NKAIN3: variants seen among roughly 807,000 people sequenced by gnomAD.
NKAIN3 encodes the protein sodium/potassium-transporting ATPase subunit beta-1-interacting protein 3.
In NKAIN3, 25 loss-of-function variants were observed where a neutral mutation model predicts 30.2. The observed-to-expected ratio is 0.83, with a 90% CI of 0.60 to 1.16. The LOEUF is 1.16. Ranked by LOEUF, NKAIN3 falls within the 50% of genes most tolerant of loss-of-function variation. The pLI is 0.00. For missense variants in NKAIN3, 225 were observed against 254.1 expected, an observed-to-expected ratio of 0.89 and a Z score of 0.78; for synonymous variants, 91 against 89.6, an observed-to-expected ratio of 1.02 and a Z score of -0.09.
chr8:62,298,770 G>A (rs1046482172), intron 1 of NKAIN3, among the ~76,000 whole-genome samples: 1 of 151,090 alleles, frequency 6.6e-6, no homozygotes, highest in African/African-American at 2.4e-5. Flanking sequence ...TTGTTTTTGT[G>A]GCATTTATCA....
chr8:62,959,104 T>C (rs1236178569), intron 6 of NKAIN3, among the ~76,000 whole-genome samples: 1 of 152,190 alleles, frequency 6.6e-6, no homozygotes, highest in East Asian at 1.9e-4. Flanking sequence ...TTCACAAAAA[T>C]TGCTACATGC....
At chr8:62,863,305 G>C in intron 4 of NKAIN3, 2 of 1,549,324 alleles carry the variant, frequency 1.3e-6, no homozygotes, top group South Asian at 2.3e-5. Flanking sequence ...ACTCACTGCA[G>C]ACCCTGAAGG....
intron 4 of NKAIN3, among the ~76,000 whole-genome samples, chr8:62,881,162 T>C (rs1820967682): frequency 6.6e-6 from 1 of 152,204 alleles, no homozygotes; most frequent in Admixed American, 6.5e-5. Flanking sequence ...GCATTTACAT[T>C]AGGGTTCACT....
intron 4 of NKAIN3, among the ~76,000 whole-genome samples, chr8:62,873,983 T>C (rs1033012221): frequency 2.7e-5 from 4 of 149,688 alleles, no homozygotes; most frequent in Non-Finnish European, 5.9e-5. Context: ...ATAACTAAGA[T>C]CAGAGAAGAA....
chr8:62,608,395 G>A (rs1321056637), intron 3 of NKAIN3, among the ~76,000 whole-genome samples: 1 of 152,158 alleles, frequency 6.6e-6, no homozygotes, highest in Admixed American at 6.6e-5. Context: ...TTGCCCAAAT[G>A]TTTGTGGGGC....
intron 1 of NKAIN3, among the ~76,000 whole-genome samples, chr8:62,326,072 C>T (rs6989663): frequency 0.97 from 148,171 of 152,012 alleles, 72,240 homozygotes; most frequent in East Asian, 1. Context: ...ATTAATTTTG[C>T]TATATTTATT....
intron 1 of NKAIN3, among the ~76,000 whole-genome samples, chr8:62,341,021 AT>A (rs1299221593): frequency 1.3e-5 from 2 of 152,032 alleles, no homozygotes; most frequent in Non-Finnish European, 2.9e-5. Flanking sequence ...TTTTCCAGAA[AT>A]TTTAACTACA....
At position 62,446,517 on chromosome 8, in the gene NKAIN3, C is replaced by A. The variant is rs193044210; in HGVS notation, c.55-133022C>A. ...CATTTTTAAGTGTACACTCCATTGGCACTAAATACATTCACATTATTGTTC... is the reference window on the plus strand; with the variant it reads ...CATTTTTAAGTGTACACTCCATTGGAACTAAATACATTCACATTATTGTTC... On this transcript the variant is annotated intron_variant, in intron 1 of 6. Coordinates refer to ENST00000623646, the MANE Select transcript of NKAIN3 (RefSeq NM_001304533.3). Among the ~76,000 whole-genome samples the A allele has an allele frequency of 6.8e-4, 104 of 152,156 alleles. 1 individual carries two copies. The highest frequency in any genetic ancestry group is 2.1e-4 in the Non-Finnish European group (14 of 67,944).
At chr8:62,646,818 T>C (rs1812474833) in intron 3 of NKAIN3, among the ~76,000 whole-genome samples, 1 of 152,066 alleles carries the variant, frequency 6.6e-6, no homozygotes, top group African/African-American at 2.4e-5. Flanking sequence ...AAAAATATTT[T>C]AAAGGTACAG....
intron 3 of NKAIN3, among the ~76,000 whole-genome samples, chr8:62,615,156 G>C (rs1358727712): frequency 9.1e-6 from 1 of 109,478 alleles, no homozygotes; most frequent in Non-Finnish European, 1.6e-5. Flanking sequence ...AGGCACTCAA[G>C]GTAGTACCTG....
intron 3 of NKAIN3, among the ~76,000 whole-genome samples, chr8:62,705,955 G>T (rs1402033462): frequency 6.6e-6 from 1 of 152,052 alleles, no homozygotes; most frequent in Non-Finnish European, 1.5e-5. Flanking sequence ...ATGCATTCCT[G>T]TAAGTAAGGG....
chr8:62,856,522 C>T (rs1028077970), intron 4 of NKAIN3: 6 of 781,918 alleles, frequency 7.7e-6, no homozygotes, highest in Non-Finnish European at 1.4e-5. Context: ...TCAGAGATCA[C>T]CAGCTTTGGT....
chr8:62,260,856 A>T (rs941619353), intron 1 of NKAIN3, among the ~76,000 whole-genome samples: 20 of 151,960 alleles, frequency 1.3e-4, no homozygotes, highest in South Asian at 2.1e-4. Flanking sequence ...ATATACTGTT[A>T]TCTCTGCTCT....
intron 4 of NKAIN3, among the ~76,000 whole-genome samples, chr8:62,806,024 T>C (rs2130704506): frequency 6.6e-6 from 1 of 152,268 alleles, no homozygotes; most frequent in Non-Finnish European, 1.5e-5. Flanking sequence ...AAAGAAGTCG[T>C]TTATGCAGCC....
At chr8:62,278,603 A>C (rs377533698) in intron 1 of NKAIN3, among the ~76,000 whole-genome samples, 1 of 151,326 alleles carries the variant, frequency 6.6e-6, no homozygotes, top group African/African-American at 2.4e-5. Flanking sequence ...TGTTCAGTTC[A>C]CACCTATGAG....
At chr8:62,291,352 C>A (rs963939267) in intron 1 of NKAIN3, among the ~76,000 whole-genome samples, 1 of 152,138 alleles carries the variant, frequency 6.6e-6, no homozygotes, top group African/African-American at 2.4e-5. Context: ...TTACATCTTT[C>A]CTGCTTTCTC....
intron 4 of NKAIN3, among the ~76,000 whole-genome samples, chr8:62,886,291 A>T (rs1821144806): frequency 6.6e-6 from 1 of 152,062 alleles, no homozygotes; most frequent in African/African-American, 2.4e-5. Context: ...GTCCTAGTTT[A>T]TCTTCCCATG....
chr8:62,811,363 T>C (rs1013064246), intron 4 of NKAIN3, among the ~76,000 whole-genome samples: 12 of 152,134 alleles, frequency 7.9e-5, no homozygotes, highest in African/African-American at 2.7e-4. Context: ...AAAAAAGTTT[T>C]CATTTCTCTG....
intron 4 of NKAIN3, among the ~76,000 whole-genome samples, chr8:62,799,110 A>G (rs1321452990): frequency 1.3e-5 from 2 of 152,154 alleles, no homozygotes; most frequent in African/African-American, 4.8e-5. Context: ...TGGGACTGGA[A>G]ATGGAGGGGA....
Sources: gnomAD v4.1 joint callset for allele counts (sites outside exome capture counted in the v4.1 genomes callset) on GRCh38, gnomAD v4.1.1 for gene constraint, MANE v1.5 for transcripts, NCBI Gene and HGNC (gene_info 2026-07-23, HGNC 2026-07-21) for gene names.